The following SORCS3 variants were observed in gnomAD, a reference collection of about 807,000 sequenced individuals.
SORCS3 encodes VPS10 domain-containing receptor SorCS3.
In SORCS3, 57 loss-of-function variants were observed where a neutral mutation model predicts 146.3. That is an observed-to-expected ratio of 0.39 (90% CI 0.31 to 0.49). The LOEUF (loss-of-function observed/expected upper bound fraction) is 0.49. Ranked by LOEUF, SORCS3 falls within the 20% of genes least tolerant of loss-of-function variation. SORCS3 has a pLI of 0.92. For synonymous variants in SORCS3, 653 were observed against 618.5 expected, an observed-to-expected ratio of 1.06 and a Z score of -0.83; for missense variants, 1,341 against 1,575.5, an observed-to-expected ratio of 0.85 and a Z score of 2.52.
chr10:104,681,902 CT>C (rs2015981802), intron 1 of SORCS3, among the ~76,000 whole-genome samples: 1 of 152,210 alleles, frequency 6.6e-6, no homozygotes, highest in Non-Finnish European at 1.5e-5. Flanking sequence ...CTATGTTCCC[CT>C]CCACATATTT....
At chr10:105,029,774 A>G (rs1406002296) in intron 4 of SORCS3, among the ~76,000 whole-genome samples, 3 of 152,220 alleles carry the variant, frequency 2.0e-5, no homozygotes, top group African/African-American at 7.2e-5. Flanking sequence ...CATTTGATAT[A>G]GGGGTAGAGG....
chr10:105,027,474 A>G (rs1044446193), intron 4 of SORCS3, among the ~76,000 whole-genome samples: 2 of 152,200 alleles, frequency 1.3e-5, no homozygotes, highest in African/African-American at 4.8e-5. Flanking sequence ...ATGACACTAT[A>G]TAATAATGAG....
chr10:104,785,070 A>C (rs1315434363), intron 1 of SORCS3, among the ~76,000 whole-genome samples: 2 of 149,986 alleles, frequency 1.3e-5, no homozygotes, highest in East Asian at 2.0e-4. Flanking sequence ...CTGGCCGGGC[A>C]GGGGGGCTGA....
intron 5 of SORCS3, among the ~76,000 whole-genome samples, chr10:105,069,714 ACTTTCCAGCAGGGAGC>A (rs2055545197): frequency 6.6e-6 from 1 of 152,182 alleles, no homozygotes; most frequent in Non-Finnish European, 1.5e-5. Flanking sequence ...TCTCTGTGAT[ACTTTCCAGCAGGGAGC>A]CTTTGAAATG....
At chr10:104,737,498 G>A (rs959638112) in intron 1 of SORCS3, among the ~76,000 whole-genome samples, 1 of 152,140 alleles carries the variant, frequency 6.6e-6, no homozygotes, top group African/African-American at 2.4e-5. Context: ...GTATCTCATT[G>A]TGGTTTTGAT....
intron 1 of SORCS3, among the ~76,000 whole-genome samples, chr10:104,834,910 A>G (rs1482025851): frequency 6.6e-6 from 1 of 152,128 alleles, no homozygotes; most frequent in Non-Finnish European, 1.5e-5. Context: ...GCTATGGGCA[A>G]GATGAGAAAG....
intron 2 of SORCS3, among the ~76,000 whole-genome samples, chr10:104,883,114 CT>C (rs1294961377): frequency 6.6e-5 from 10 of 152,268 alleles, no homozygotes; most frequent in African/African-American, 2.4e-4. Context: ...GGGAAGATTC[CT>C]GAACTTCACT....
At chr10:105,192,479 A>C (rs937404798) in intron 14 of SORCS3, among the ~76,000 whole-genome samples, 10 of 152,070 alleles carry the variant, frequency 6.6e-5, no homozygotes, top group African/African-American at 2.4e-4. Flanking sequence ...AGTCGGCTTC[A>C]CCCTGCTCTG....
intron 5 of SORCS3, among the ~76,000 whole-genome samples, chr10:105,085,993 A>AT (rs774146432): frequency 2.9e-4 from 44 of 149,164 alleles, no homozygotes; most frequent in African/African-American, 5.9e-4. Context: ...CACACTGTCA[A>AT]TTTTTTTTTT....
At chr10:104,709,683 T>C (rs753371271) in intron 1 of SORCS3, among the ~76,000 whole-genome samples, 1 of 152,298 alleles carries the variant, frequency 6.6e-6, no homozygotes, top group Non-Finnish European at 1.5e-5. Context: ...GTGGCAAAGA[T>C]GGAGTCCACA....
intron 1 of SORCS3, among the ~76,000 whole-genome samples, chr10:104,662,039 T>C (rs2015709323): frequency 6.6e-6 from 1 of 152,206 alleles, no homozygotes; most frequent in African/African-American, 2.4e-5. Context: ...ACTATCTCTC[T>C]TTAACAGAAA....
chr10:105,056,714 T>C (rs1425999664), intron 5 of SORCS3, among the ~76,000 whole-genome samples: 1 of 152,202 alleles, frequency 6.6e-6, no homozygotes, highest in Non-Finnish European at 1.5e-5. Context: ...TGGTGAAAAA[T>C]TATACAGTTG....
At chr10:105,208,578 T>C (rs939035228) in intron 16 of SORCS3, among the ~76,000 whole-genome samples, 27 of 150,980 alleles carry the variant, frequency 1.8e-4, no homozygotes, top group African/African-American at 6.5e-4. Context: ...ACCATGCAGA[T>C]ACATGGATGT....
chr10:105,052,429 AC>A (rs1229613194), intron 5 of SORCS3, among the ~76,000 whole-genome samples: 1 of 152,142 alleles, frequency 6.6e-6, no homozygotes, highest in Non-Finnish European at 1.5e-5. Flanking sequence ...CATGAGAAAT[AC>A]TCATTTCGCT....
At chr10:105,075,800 C>T (rs1362467846) in intron 5 of SORCS3, among the ~76,000 whole-genome samples, 2 of 152,120 alleles carry the variant, frequency 1.3e-5, no homozygotes, top group Non-Finnish European at 2.9e-5. Flanking sequence ...TCCCTAGTCT[C>T]CTTAAAGCTC....
intron 1 of SORCS3, among the ~76,000 whole-genome samples, chr10:104,780,138 T>G (rs1218294506): frequency 1.4e-4 from 1 of 7,154 alleles, no homozygotes. Flanking sequence ...GAGGAGGCAG[T>G]TTTTTTTTTT....
chr10:104,827,637 C>G (rs1460704610), intron 1 of SORCS3, among the ~76,000 whole-genome samples: 7 of 152,108 alleles, frequency 4.6e-5, no homozygotes, highest in African/African-American at 7.2e-5. Context: ...GGTAAGTGAG[C>G]ACTGGCTTTA....
At chr10:104,953,695 G>T (rs1021613474) in intron 3 of SORCS3, among the ~76,000 whole-genome samples, 1 of 152,156 alleles carries the variant, frequency 6.6e-6, no homozygotes, top group Non-Finnish European at 1.5e-5. Context: ...TTCCCTTTCT[G>T]CTCTGTAATA....
At chr10:104,785,257 G>A (rs1400513365) in intron 1 of SORCS3, among the ~76,000 whole-genome samples, 1 of 146,976 alleles carries the variant, frequency 6.8e-6, no homozygotes, top group Non-Finnish European at 1.5e-5. Flanking sequence ...CTCTGCCTTG[G>A]GATCCTGTTG....
Sources: gnomAD v4.1 joint callset for allele counts (sites outside exome capture counted in the v4.1 genomes callset) on GRCh38, gnomAD v4.1.1 for gene constraint, MANE v1.5 for transcripts, NCBI Gene and HGNC (gene_info 2026-07-23, HGNC 2026-07-21) for gene names.